The following WBP2NL variants were observed in gnomAD, a reference collection of about 807,000 sequenced individuals.
WBP2NL encodes postacrosomal sheath WW domain-binding protein.
In WBP2NL, 27 loss-of-function variants were observed where a neutral mutation model predicts 23.3. That is an observed-to-expected ratio of 1.16 (90% CI 0.85 to 1.60). The LOEUF (loss-of-function observed/expected upper bound fraction) is 1.60. Ranked by LOEUF, WBP2NL falls within the 40% of genes most tolerant of loss-of-function variation. WBP2NL has a pLI of 0.00. For missense variants in WBP2NL, 370 were observed against 389.5 expected, an observed-to-expected ratio of 0.95 and a Z score of 0.42; for synonymous variants, 151 against 145.9, an observed-to-expected ratio of 1.03 and a Z score of -0.25.
At chr22:42,029,375 T>C (rs913657103), downstream of WBP2NL, among the ~76,000 whole-genome samples, 5 of 151,142 alleles carry the variant, frequency 3.3e-5, no homozygotes, top group African/African-American at 1.2e-4. Flanking sequence ...ATATTTTCTA[T>C]GCATTTTTTT....
intron 8 of WBP2NL, among the ~76,000 whole-genome samples, chr22:42,052,333 AGTACAGTGGT>A (rs1569455498): frequency 6.6e-6 from 1 of 151,796 alleles, no homozygotes; most frequent in African/African-American, 2.4e-5. Context: ...CCCAGGCTGG[AGTACAGTGGT>A]GTGATCCTGG....
chr22:42,038,935 T>C (rs1363213223), intron 8 of WBP2NL, among the ~76,000 whole-genome samples: 1 of 151,554 alleles, frequency 6.6e-6, no homozygotes, highest in East Asian at 1.9e-4. Flanking sequence ...AGATAGGGTC[T>C]TACTCTGTTG....
chr22:42,017,286 T>TGTATTTTAG (rs1923392081), intron 1 of WBP2NL, among the ~76,000 whole-genome samples: 2 of 152,188 alleles, frequency 1.3e-5, no homozygotes, highest in Non-Finnish European at 2.9e-5. Context: ...TGGATACTTT[T>TGTATTTTAG]TGTATTTTAG....
At chr22:42,000,794 G>T (rs1921570066) in intron 1 of WBP2NL, among the ~76,000 whole-genome samples, 1 of 151,908 alleles carries the variant, frequency 6.6e-6, no homozygotes, top group Non-Finnish European at 1.5e-5. Context: ...AAACAGCCGG[G>T]AGTGGTGGCG....
intron 8 of WBP2NL, among the ~76,000 whole-genome samples, chr22:42,057,902 T>TATATATATATA (rs1328982365): frequency 2.4e-4 from 4 of 16,964 alleles, no homozygotes; most frequent in Non-Finnish European, 3.0e-4. Context: ...TATATATATA[T>TATATATATATA]TTTTTTTTTT....
At chr22:42,043,423 C>T (rs1253696250) in intron 8 of WBP2NL, among the ~76,000 whole-genome samples, 1 of 152,084 alleles carries the variant, frequency 6.6e-6, no homozygotes, top group Non-Finnish European at 1.5e-5. Flanking sequence ...CAGCTGCTGG[C>T]ACATGTGTGA....
chr22:42,034,556 T>C (rs1925108381), downstream of WBP2NL, among the ~76,000 whole-genome samples: 1 of 152,220 alleles, frequency 6.6e-6, no homozygotes, highest in Admixed American at 6.5e-5. Flanking sequence ...CCATTGTCAT[T>C]GATAACATCT....
intron 4 of WBP2NL, among the ~76,000 whole-genome samples, chr22:42,021,448 A>G (rs1217382466): frequency 6.6e-6 from 1 of 152,180 alleles, no homozygotes; most frequent in African/African-American, 2.4e-5. Flanking sequence ...TATTTGTAAA[A>G]AGGGTGTTTG....
chr22:42,043,603 G>A (rs192994795), intron 8 of WBP2NL, among the ~76,000 whole-genome samples: 112 of 152,352 alleles, frequency 7.4e-4, no homozygotes, highest in African/African-American at 2.6e-3. Flanking sequence ...TGTGCATGGA[G>A]GGAAGGGCCA....
At chr22:42,001,873 CCCG>C in intron 1 of WBP2NL, 1 of 1,490,636 alleles carries the variant, frequency 6.7e-7, no homozygotes, top group African/African-American at 1.4e-5. Context: ...AGCAGCTTGA[CCCG>C]CTCGATGGGT....
At chr22:42,056,653 C>T (rs927291574) in intron 8 of WBP2NL, among the ~76,000 whole-genome samples, 1 of 152,096 alleles carries the variant, frequency 6.6e-6, no homozygotes, top group Admixed American at 6.6e-5. Flanking sequence ...CAAATTTTTT[C>T]ATAGTCTTTT....
chr22:42,012,543 A>G (rs926309215), intron 1 of WBP2NL, among the ~76,000 whole-genome samples: 1 of 152,032 alleles, frequency 6.6e-6, no homozygotes, highest in Non-Finnish European at 1.5e-5. Context: ...GTTTCTTTCC[A>G]TTGTAATCAG....
intron 8 of WBP2NL, among the ~76,000 whole-genome samples, chr22:42,051,657 C>G (rs531497540): frequency 6.6e-6 from 1 of 152,204 alleles, no homozygotes; most frequent in Non-Finnish European, 1.5e-5. Context: ...AAACCTAAAC[C>G]TGGTCTTTAA....
rs1303447572 is a variant in WBP2NL at position 42,019,816 on chromosome 22, T to C, written c.313+13T>C. On this transcript the variant is annotated intron_variant, in intron 3 of 5. Coordinates refer to ENST00000328823, the MANE Select transcript of WBP2NL (RefSeq NM_152613.3). ...GCAGCTCCATATGGTAAGTGTTCCC[T>C]CAGAAGTGTGTATTTTTTTTTCCCT... 4 of 1,611,598 alleles carry C rather than the reference T, an allele frequency of 2.5e-6. No homozygotes were observed. Among genetic ancestry groups the C allele is most frequent in the Non-Finnish European group, 2.5e-6 (3 of 1,179,230 alleles).
At chr22:42,053,446 T>C (rs973206744) in intron 8 of WBP2NL, among the ~76,000 whole-genome samples, 2 of 151,930 alleles carry the variant, frequency 1.3e-5, no homozygotes, top group Admixed American at 1.3e-4. Flanking sequence ...CATCTTTTTT[T>C]TTCCTCTTTT....
At chr22:42,014,447 G>C (rs1227638557) in intron 1 of WBP2NL, among the ~76,000 whole-genome samples, 1 of 151,630 alleles carries the variant, frequency 6.6e-6, no homozygotes, top group Non-Finnish European at 1.5e-5. Context: ...TGCTGGTGTT[G>C]AACACCTGTG....
intron 1 of WBP2NL, among the ~76,000 whole-genome samples, chr22:42,004,977 G>T (rs566735432): frequency 5.3e-5 from 8 of 152,018 alleles, no homozygotes; most frequent in African/African-American, 1.9e-4. Flanking sequence ...CCAGCACTTT[G>T]GGAGGCCAAG....
Position 42,026,802 on chromosome 22 carries a change from C to G in WBP2NL, c.551C>G (p.Ala184Gly). 6.2e-7 allele frequency: 1 copy of G among 1,613,618 alleles called. No individual in the cohort carries two copies. Among genetic ancestry groups the G allele is most frequent in the Non-Finnish European group, 8.5e-7 (1 of 1,179,840 alleles). Reference sequence around the variant, plus strand: ...GGAGCCCCACCTGCAGGATATGGAGCCCCACCTCCCGGATACGGAGCCCCA... The same window carrying G: ...GGAGCCCCACCTGCAGGATATGGAGGCCCACCTCCCGGATACGGAGCCCCA... Reference protein sequence around the residue: ...VYGAPPAGYGAPPPGYGAPPA... With the variant: ...VYGAPPAGYGGPPPGYGAPPA... The change falls in exon 6 of 6, where the codon GCC becomes GGC. Residue 184 changes from alanine (A) to glycine (G), a missense_variant. Ala to Gly is a moderately conservative substitution (Grantham distance 60). Transcript: ENST00000328823.
chr22:42,026,912 C>T lies in WBP2NL; in HGVS notation c.661C>T (p.Pro221Ser). 1 of 1,612,890 alleles carries T rather than the reference C, an allele frequency of 6.2e-7. No individual in the cohort carries two copies. The highest frequency in any genetic ancestry group is 8.5e-7 in the Non-Finnish European group (1 of 1,179,656). Residue 221 changes from proline (P) to serine (S), a missense_variant, in exon 6 of 6, where the codon CCT (proline) becomes TCT (serine). Transcript: ENST00000328823. ...RASPVRYGAP[P>S]LGYGAPPAGY... ...CTCACCTGTGCGATATGGAGCCCCACCTCTTGGATACGGAGCCCCACCTGC... is the reference window on the plus strand; with the variant it reads ...CTCACCTGTGCGATATGGAGCCCCATCTCTTGGATACGGAGCCCCACCTGC...
Sources: gnomAD v4.1 joint callset for allele counts (sites outside exome capture counted in the v4.1 genomes callset) on GRCh38, gnomAD v4.1.1 for gene constraint, MANE v1.5 for transcripts, NCBI Gene and HGNC (gene_info 2026-07-23, HGNC 2026-07-21) for gene names.